Variants in MELTF observed in about 807,000 individuals in gnomAD.
The protein encoded by MELTF is antigen p97 (melanoma associated) identified by monoclonal antibodies 133.2 and 96.5.
A neutral mutation model predicts 83.7 loss-of-function variants in MELTF; 67 were observed. That is an observed-to-expected ratio of 0.80 (90% CI 0.66 to 0.98). MELTF has a LOEUF of 0.98. MELTF is among the 50% of genes least tolerant of loss of function. The pLI, the probability that MELTF is intolerant of heterozygous loss-of-function variation, is 0.00. For synonymous variants in MELTF, 462 were observed against 447.6 expected, an observed-to-expected ratio of 1.03 and a Z score of -0.41; for missense variants, 1,002 against 1,035.6, an observed-to-expected ratio of 0.97 and a Z score of 0.44.
In MELTF at chr3:197,002,102, G is replaced by A. The variant is rs142183974; in HGVS notation, c.*1270C>T. The stretch of plus-strand genomic sequence containing the variant: ...GTGAAGGTGCCCGGGACTCCTCGGG[G>A]TTGCATGGCTACAGCCGGGGCGCTG... On this transcript the variant is annotated 3_prime_UTR_variant, in exon 16 of 16. Coordinates refer to ENST00000296350, the MANE Select transcript of MELTF (RefSeq NM_005929.6). The A allele has an allele frequency of 2.5e-4, 38 of 152,378 alleles. No individual in the cohort carries two copies. The highest frequency in any genetic ancestry group is 8.9e-4 in the African/African-American group (37 of 41,578). The allele number at this position is 152,378 out of a possible 1,614,324, so 9.4% of individuals were successfully genotyped here. A position where few individuals can be genotyped will look rare whatever the true frequency, so the allele number is the denominator to read the frequency against.
intron 6 of MELTF, chr3:197,019,308 C>A: frequency 1.9e-6 from 2 of 1,075,848 alleles, no homozygotes; most frequent in Non-Finnish European, 2.3e-6. Flanking sequence ...ACTCCCGCTT[C>A]TCCTCAGCCA....
In MELTF at chr3:197,023,894, G is replaced by A. The variant is rs539552911; in HGVS notation, c.487+409C>T. 154 of 462,690 alleles carry A rather than the reference G, an allele frequency of 3.3e-4. 1 individual carries two copies. The East Asian group carries it at 5.8e-3, about 18-fold the overall frequency. 28.7% of individuals were successfully genotyped at this position (462,690 alleles called of 1,614,324 possible). On this transcript the variant is annotated intron_variant, in intron 4 of 15. Coordinates refer to ENST00000296350, the MANE Select transcript of MELTF (RefSeq NM_005929.6). ...CTTGGGAGCTTTCTGGGTGCAAGTC[G>A]GCACCTCGTTTGGGTCCTGAAAAAA...
At chr3:197,004,441 CT>C in intron 14 of MELTF, 1 of 366,592 alleles carries the variant, frequency 2.7e-6, no homozygotes, top group Admixed American at 4.2e-5. Context: ...TCTGCTAGGC[CT>C]GCTGAGCACT....
Position 197,003,286 on chromosome 3 carries a change from C to G in MELTF, c.*86G>C. On this transcript the variant is annotated 3_prime_UTR_variant, in exon 16 of 16. Transcript: ENST00000296350. This position sits in a 1 kb window ranked among gnomAD's most constrained non-coding sequence, Gnocchi z 6.2. ...TCCCGCCCACGCCGGGCCCGGCCTT[C>G]GCGAGCTTCCTTCTGGATTCCAGCG... The G allele has an allele frequency of 9.7e-7, 1 of 1,029,478 alleles. No homozygotes were observed. The highest frequency in any genetic ancestry group is 1.2e-6 in the Non-Finnish European group (1 of 861,154). The allele number at this position is 1,029,478 out of a possible 1,614,324, so 63.8% of individuals were successfully genotyped here.
rs1469623033 is a variant in MELTF at position 197,023,127 on chromosome 3, G to A, written c.488-14C>T. 10 of 1,613,234 alleles carry A rather than the reference G, an allele frequency of 6.2e-6. No individual in the cohort carries two copies. Among genetic ancestry groups the A allele is most frequent in the Non-Finnish European group, 8.5e-6 (10 of 1,179,914 alleles). On this transcript the variant is annotated splice_polypyrimidine_tract_variant and intron_variant, in intron 4 of 15. Transcript: ENST00000296350. The stretch of plus-strand genomic sequence containing the variant: ...AGTCGCTGACAGCTGTGGGAAGGAG[G>A]TAGAGAGGTCACTCAGCAGAACTTT...
At position 197,022,968 on chromosome 3, in the gene MELTF, G is replaced by A. The variant is rs995978520; in HGVS notation, c.633C>T (p.Ser211=). 50 of 1,608,692 alleles carry A rather than the reference G, an allele frequency of 3.1e-5. No homozygotes were observed. The Admixed American group carries it at 3.6e-4, about 11-fold the overall frequency. ...CCCACTCCGCTCACCGGAAGGCCCCGCTGTAGTCGTAGTATCTCTCCAGGG... is the reference window on the plus strand; with the variant it reads ...CCCACTCCGCTCACCGGAAGGCCCCACTGTAGTCGTAGTATCTCTCCAGGG... ...KSPLERYYDY[S]GAFRCLAEGA... Residue 211 remains serine, a synonymous_variant, in exon 5 of 16, where the codon AGC becomes AGT. Coordinates refer to ENST00000296350, the MANE Select transcript of MELTF (RefSeq NM_005929.6). The surrounding 1 kb of genome is among the most constrained non-coding windows in gnomAD (Gnocchi z 5.1).
rs370392196 is a variant in MELTF, at chr3:197,022,945, C to A, written c.644+12G>T. ...CCTGCCCTCGGCCCCTCCCTGCCCC[C>A]ACTCCGCTCACCGGAAGGCCCCGCT... On this transcript the variant is annotated intron_variant, in intron 5 of 15. Transcript: ENST00000296350. This position sits in a 1 kb window ranked among gnomAD's most constrained non-coding sequence, Gnocchi z 5.1. The A allele has an allele frequency of 1.4e-5, 23 of 1,601,440 alleles. No homozygotes were observed. The highest frequency in any genetic ancestry group is 5.2e-5 in the Admixed American group (3 of 57,330).
At chr3:197,013,442 C>T (rs1719254619) in intron 9 of MELTF, among the ~76,000 whole-genome samples, 1 of 152,158 alleles carries the variant, frequency 6.6e-6, no homozygotes, top group Non-Finnish European at 1.5e-5. Flanking sequence ...AGGCAAAACG[C>T]TTCAGGACAT....
intron 6 of MELTF, among the ~76,000 whole-genome samples, chr3:197,020,055 C>A (rs1484379029): frequency 6.6e-6 from 1 of 152,038 alleles, no homozygotes; most frequent in Non-Finnish European, 1.5e-5. Flanking sequence ...AACTATCCTT[C>A]AAAAAGAACA....
At chr3:197,026,926 C>T in intron 2 of MELTF, 167 bp from the exon 3 acceptor site, 2 of 582,722 alleles carry the variant, frequency 3.4e-6, no homozygotes, top group South Asian at 4.3e-5. Context: ...CTCCCCCTTT[C>T]CCAGGCCAGG....
Position 197,021,374 on chromosome 3 carries a change from C to T in MELTF, c.712+30G>A, listed in dbSNP as rs1406130930. On this transcript the variant is annotated intron_variant, in intron 6 of 15. Transcript: ENST00000296350. ...AGCCGGCCTGGCCTGACTCCCTGCT[C>T]CTCTGGGCCCGTGCCCCTCCCCCAC... is the stretch of plus-strand genomic sequence containing the variant. 4 of 1,612,480 alleles carry T rather than the reference C, an allele frequency of 2.5e-6. No individual in the cohort carries two copies. The African/African-American group carries it at 5.3e-5, about 22-fold the overall frequency.
At position 197,008,653 on chromosome 3, in the gene MELTF, C is replaced by T. The variant is rs1719061495; in HGVS notation, c.1750+4G>A. 6.2e-7 allele frequency: 1 copy of T among 1,613,656 alleles called. No individual in the cohort carries two copies. Among genetic ancestry groups the T allele is most frequent in the East Asian group, 2.2e-5 (1 of 44,866 alleles). On this transcript the variant is annotated splice_donor_region_variant and intron_variant, in intron 13 of 15. Transcript: ENST00000296350. The surrounding 1 kb of genome is among the most constrained non-coding windows in gnomAD (Gnocchi z 5.4). ...CCTTTGGCCCTGCTCTTGCCCCCACCTACCGTTTGTGTTGTCAAAGACGGT... is the reference window on the plus strand; with the variant it reads ...CCTTTGGCCCTGCTCTTGCCCCCACTTACCGTTTGTGTTGTCAAAGACGGT...
chr3:197,004,210 C>G (rs1003221267), intron 14 of MELTF, 111 bp from the exon 15 acceptor site: 22 of 969,590 alleles, frequency 2.3e-5, no homozygotes, highest in African/African-American at 2.2e-4. Context: ...AAGAGCAAGT[C>G]ATTTCAGGGC....
rs751296070 is a variant in MELTF at position 197,003,947 on chromosome 3, G to T, written c.2091C>A (p.Tyr697Ter). The change falls in exon 15 of 16, where the codon TAC becomes TAA. Residue 697 changes from tyrosine to a stop codon, truncating the protein, a stop_gained. Coordinates refer to ENST00000296350, the MANE Select transcript of MELTF (RefSeq NM_005929.6). LOFTEE classifies it low-confidence loss of function (END_TRUNC). The surrounding 1 kb of genome is among the most constrained non-coding windows in gnomAD (Gnocchi z 6.2). ...TTYRGWLGLDYVAALEGMSSQ... is the reference protein window; with the variant it reads ...TTYRGWLGLD Reference sequence around the variant, plus strand: ...ACGACATCCCTTCCAGCGCCGCCACGTAGTCCAGCCCCAGCCAGCCGCGGT... The same window carrying T: ...ACGACATCCCTTCCAGCGCCGCCACTTAGTCCAGCCCCAGCCAGCCGCGGT... 3 of 1,614,082 alleles carry T rather than the reference G, an allele frequency of 1.9e-6. No individual in the cohort carries two copies. Among genetic ancestry groups the T allele is most frequent in the Non-Finnish European group, 1.7e-6 (2 of 1,180,022 alleles).
rs1248610868 is a variant in MELTF at position 197,011,526 on chromosome 3, C to T, written c.1234-732G>A. On this transcript the variant is annotated intron_variant, in intron 9 of 15. Transcript: ENST00000296350. This position sits in a 1 kb window ranked among gnomAD's most constrained non-coding sequence, Gnocchi z 4.2. ...TGGGGGAGAGTGCGGACACCTGTGC[C>T]CCAGGAAGGTGTCCCACGCCATTCC... 6.6e-6 allele frequency among the ~76,000 whole-genome samples: 1 copy of T among 152,158 alleles called. No individual in the cohort carries two copies. The highest frequency in any genetic ancestry group is 2.4e-5 in the African/African-American group (1 of 41,438).
At chr3:197,009,388 A>G (rs974240538) in intron 11 of MELTF, among the ~76,000 whole-genome samples, 1 of 152,242 alleles carries the variant, frequency 6.6e-6, no homozygotes, top group Admixed American at 6.5e-5. Context: ...GTGGCCTGTC[A>G]GCCCAAGGGT....
chr3:197,008,873 G>A lies in MELTF; in HGVS notation c.1618C>T (p.Gln540Ter). 5 of 1,614,184 alleles carry A rather than the reference G, an allele frequency of 3.1e-6. No homozygotes were observed. Among genetic ancestry groups the A allele is most frequent in the Non-Finnish European group, 3.4e-6 (4 of 1,180,030 alleles). The change falls in exon 12 of 16, where the codon CAG (glutamine) becomes TAG (stop). Residue 540 changes from glutamine to a stop codon, truncating the protein, a stop_gained. Coordinates refer to ENST00000296350, the MANE Select transcript of MELTF (RefSeq NM_005929.6). LOFTEE classifies it high-confidence loss of function. This position sits in a 1 kb window ranked among gnomAD's most constrained non-coding sequence, Gnocchi z 5.4. Reference protein sequence around the residue: ...SLCALCVGDEQGRNKCVGNSQ... With the variant: ...SLCALCVGDE ...TTGCCCACACACTTGTTGCGGCCCT[G>A]CTCGTCCCCCACGCACAGTGCACAC...
Position 197,011,916 on chromosome 3 carries a change from G to A in MELTF, c.1234-1122C>T, listed in dbSNP as rs1423106656. 1.3e-5 allele frequency among the ~76,000 whole-genome samples: 2 copies of A among 152,158 alleles called. No homozygotes were observed. The highest frequency in any genetic ancestry group is 2.9e-5 in the Non-Finnish European group (2 of 68,028). On this transcript the variant is annotated intron_variant, in intron 9 of 15. Transcript: ENST00000296350. This position sits in a 1 kb window ranked among gnomAD's most constrained non-coding sequence, Gnocchi z 4.2. The stretch of plus-strand genomic sequence containing the variant: ...GCCCTCTGTGAGCCCAGATTGAGAG[G>A]AGGCTGTCACTCAGAGGGAGCTGAA...
At position 197,011,149 on chromosome 3, in the gene MELTF, G is replaced by A. The variant is rs114654024; in HGVS notation, c.1234-355C>T. Among the ~76,000 whole-genome samples the A allele has an allele frequency of 0.015, 2,241 of 152,342 alleles. 60 individuals are homozygous for A. The highest frequency in any genetic ancestry group is 0.051 in the African/African-American group (2,105 of 41,580). ...GTGCCCTGCCAGCCCCCAGACAGCC[G>A]GGCACCGCCTCTCCAGCACCTGGCC... is the stretch of plus-strand genomic sequence containing the variant. On this transcript the variant is annotated intron_variant, in intron 9 of 15. Coordinates refer to ENST00000296350, the MANE Select transcript of MELTF (RefSeq NM_005929.6). The surrounding 1 kb of genome is among the most constrained non-coding windows in gnomAD (Gnocchi z 4.2).
Sources: gnomAD v4.1 joint callset for allele counts (sites outside exome capture counted in the v4.1 genomes callset) on GRCh38, gnomAD v4.1.1 for gene constraint, Gnocchi (gnomAD v3.1) non-coding constraint, MANE v1.5 for transcripts, NCBI Gene and HGNC (gene_info 2026-07-23, HGNC 2026-07-21) for gene names.